CNOT6L: variants seen among roughly 807,000 people sequenced by gnomAD.
CNOT6L encodes the protein CCR4-NOT transcription complex subunit 6 like, also known as CCR4-NOT transcription complex subunit 6-like.
Under a neutral mutation model 64.0 loss-of-function variants are expected in CNOT6L, and 7 were observed. The observed-to-expected ratio is 0.11, with a 90% CI of 0.06 to 0.21. The LOEUF is 0.21. CNOT6L is among the 10% of genes least tolerant of loss of function. CNOT6L has a pLI of 1.00. For missense variants in CNOT6L, 245 were observed against 669.0 expected, an observed-to-expected ratio of 0.37 and a Z score of 6.99; for synonymous variants, 193 against 243.4, an observed-to-expected ratio of 0.79 and a Z score of 1.93.
In CNOT6L at chr4:77,713,515, C is replaced by T. The variant is rs946547835; in HGVS notation, c.*6916G>A. On this transcript the variant is annotated 3_prime_UTR_variant, in exon 12 of 12. Coordinates refer to ENST00000504123, the MANE Select transcript of CNOT6L (RefSeq NM_144571.3). Reference sequence around the variant, plus strand: ...ATCATGTGTGAGCAGTAACCAATCTCCAAAATGGAAAAAAATATTTTGTTA... The same window carrying T: ...ATCATGTGTGAGCAGTAACCAATCTTCAAAATGGAAAAAAATATTTTGTTA... The T allele has an allele frequency of 1.3e-5, 2 of 152,436 alleles. No individual in the cohort carries two copies. The highest frequency in any genetic ancestry group is 2.4e-5 in the African/African-American group (1 of 41,388). 9.4% of individuals were successfully genotyped at this position (152,436 alleles called of 1,614,324 possible). A position where few individuals can be genotyped will look rare whatever the true frequency, so the allele number is the denominator to read the frequency against.
rs1002612486 is a variant in CNOT6L at position 77,717,850 on chromosome 4, A to T, written c.*2581T>A. ...GCCCCAAGTGTGTACCACCCAAAAC[A>T]TAACACAATTACCTACTTCAACAGA... is the stretch of plus-strand genomic sequence containing the variant. On this transcript the variant is annotated 3_prime_UTR_variant, in exon 12 of 12. Transcript: ENST00000504123. 5 of 152,570 alleles carry T rather than the reference A, an allele frequency of 3.3e-5. No individual in the cohort carries two copies. The highest frequency in any genetic ancestry group is 6.6e-5 in the Admixed American group (1 of 15,246). 9.5% of individuals were successfully genotyped at this position (152,570 alleles called of 1,614,324 possible). A position where few individuals can be genotyped will look rare whatever the true frequency, so the allele number is the denominator to read the frequency against.
At chr4:77,750,520 T>G (rs530662706) in intron 5 of CNOT6L, among the ~76,000 whole-genome samples, 59 of 152,016 alleles carry the variant, frequency 3.9e-4, no homozygotes, top group Non-Finnish European at 7.1e-4. Context: ...CCCAGCTAAT[T>G]TTTTTTGTAT....
intron 1 of CNOT6L, among the ~76,000 whole-genome samples, chr4:77,798,347 C>T (rs894979697): frequency 5.9e-5 from 9 of 151,916 alleles, no homozygotes; most frequent in Non-Finnish European, 1.3e-4. Flanking sequence ...AGAAAATAAC[C>T]CACACACTGG....
chr4:77,774,395 A>G, intron 3 of CNOT6L, 135 bp downstream of exon 3: 1 of 657,298 alleles, frequency 1.5e-6, no homozygotes, highest in Admixed American at 3.6e-5. Flanking sequence ...AGGCCAACTC[A>G]AGCACTATGC....
intron 9 of CNOT6L, among the ~76,000 whole-genome samples, chr4:77,731,069 A>G (rs1390711845): frequency 1.3e-5 from 2 of 152,144 alleles, no homozygotes; most frequent in African/African-American, 4.8e-5. Context: ...AAGAGGGCCA[A>G]GTCATCATAA....
chr4:77,739,056 G>T (rs1723291331), intron 8 of CNOT6L, among the ~76,000 whole-genome samples: 1 of 152,140 alleles, frequency 6.6e-6, no homozygotes. Context: ...GTGATTTAAA[G>T]AACAGTGTAT....
chr4:77,797,637 T>C (rs1489834473), intron 1 of CNOT6L, among the ~76,000 whole-genome samples: 1 of 152,150 alleles, frequency 6.6e-6, no homozygotes, highest in African/African-American at 2.4e-5. Context: ...GGCTTCCTTT[T>C]TAAGTGAAAT....
Position 77,754,888 on chromosome 4 carries a change from T to TAAAAAA in CNOT6L, c.490+1968_490+1973dup. ...AAAACCTAATTCTAAACATTAGAAG[T>TAAAAAA]AAAAAAAAAAAAAAAAAAAAAAAAA... On this transcript the variant is annotated intron_variant, in intron 5 of 11. Coordinates refer to ENST00000504123, the MANE Select transcript of CNOT6L (RefSeq NM_144571.3). Among the ~76,000 whole-genome samples, 127 of 36,902 alleles carry TAAAAAA rather than the reference T, an allele frequency of 3.4e-3. 20 individuals are homozygous for TAAAAAA. Among genetic ancestry groups the TAAAAAA allele is most frequent in the South Asian group, 6.8e-3 (4 of 586 alleles). 24.2% of individuals were successfully genotyped at this position (36,902 alleles called of 152,430 possible).
chr4:77,760,804 C>G (rs530051286), intron 4 of CNOT6L, among the ~76,000 whole-genome samples: 1 of 145,806 alleles, frequency 6.9e-6, no homozygotes, highest in African/African-American at 2.5e-5. Flanking sequence ...TCACGCCATT[C>G]TCCTGCCTCG....
At chr4:77,799,526 G>A (rs1731263801) in intron 1 of CNOT6L, among the ~76,000 whole-genome samples, 1 of 152,036 alleles carries the variant, frequency 6.6e-6, no homozygotes, top group African/African-American at 2.4e-5. Context: ...CCAACATGGT[G>A]AAACCCCGTT....
rs150641275 is a variant in CNOT6L, at chr4:77,717,396, A to C, written c.*3035T>G. On this transcript the variant is annotated 3_prime_UTR_variant, in exon 12 of 12. Coordinates refer to ENST00000504123, the MANE Select transcript of CNOT6L (RefSeq NM_144571.3). The stretch of plus-strand genomic sequence containing the variant: ...TTCCTCAAACAATACTGTTTTAGTA[A>C]ATTTTAAGAACATTCCGGTTCTTAG... 9 of 152,636 alleles carry C rather than the reference A, an allele frequency of 5.9e-5. No homozygotes were observed. The East Asian group carries it at 1.7e-3, about 29-fold the overall frequency. 9.5% of individuals were successfully genotyped at this position (152,636 alleles called of 1,614,324 possible).
At chr4:77,768,474 A>AATATATATATATATATATAT (rs1193284066) in intron 4 of CNOT6L, among the ~76,000 whole-genome samples, 23 of 13,040 alleles carry the variant, frequency 1.8e-3, no homozygotes, top group South Asian at 2.3e-3. Context: ...AAAATAAATA[A>AATATATATATATATATATAT]ATATATATAT....
At chr4:77,819,075 C>CACA (rs71214371) in intron 1 of CNOT6L, 86 of 732,644 alleles carry the variant, frequency 1.2e-4, no homozygotes, top group South Asian at 1.9e-4. Flanking sequence ...CACACACACA[C>CACA]CCCGGAACCT....
At chr4:77,759,853 G>C (rs10007837) in intron 4 of CNOT6L, among the ~76,000 whole-genome samples, 119,724 of 152,078 alleles carry the variant, frequency 0.79, 47,985 homozygotes, top group Non-Finnish European at 0.86. Flanking sequence ...ATATGCATTC[G>C]TTCCAAGTGC....
intron 1 of CNOT6L, among the ~76,000 whole-genome samples, chr4:77,785,653 G>C (rs1729347513): frequency 6.6e-6 from 1 of 152,144 alleles, no homozygotes; most frequent in African/African-American, 2.4e-5. Context: ...CACATGAAAA[G>C]ATGCACAACA....
chr4:77,797,126 A>AC (rs1730953858), intron 1 of CNOT6L, among the ~76,000 whole-genome samples: 1 of 150,276 alleles, frequency 6.7e-6, no homozygotes, highest in African/African-American at 2.5e-5. Context: ...AAAAAAAAAA[A>AC]CTGCCAAGGA....
chr4:77,721,610 G>A (rs1721286562), intron 11 of CNOT6L, among the ~76,000 whole-genome samples: 1 of 152,040 alleles, frequency 6.6e-6, no homozygotes, highest in South Asian at 2.1e-4. Flanking sequence ...GTGAGATTTT[G>A]GACACAATCA....
At chr4:77,806,436 AAAG>A (rs869046130) in intron 1 of CNOT6L, among the ~76,000 whole-genome samples, 9 of 152,294 alleles carry the variant, frequency 5.9e-5, no homozygotes, top group African/African-American at 2.2e-4. Context: ...AAAAAAAAAA[AAAG>A]ATTAATTTCA....
At chr4:77,726,605 G>C (rs1441720537) in intron 10 of CNOT6L, among the ~76,000 whole-genome samples, 2 of 152,124 alleles carry the variant, frequency 1.3e-5, no homozygotes, top group Non-Finnish European at 2.9e-5. Flanking sequence ...AATATATCAG[G>C]AACACTCAAA....
Sources: allele counts gnomAD v4.1 joint callset (sites outside exome capture counted in the v4.1 genomes callset), GRCh38; gene constraint gnomAD v4.1.1; transcripts MANE v1.5; gene names NCBI Gene and HGNC (gene_info 2026-07-23, HGNC 2026-07-21).